Variants in TACC2 observed in about 807,000 individuals in gnomAD.
The protein encoded by TACC2 is transforming acidic coiled-coil-containing protein 2.
A neutral mutation model predicts 227.3 loss-of-function variants in TACC2; 137 were observed. The ratio of observed to expected loss-of-function variants is 0.60; its 90% CI spans 0.52 to 0.69. The LOEUF (loss-of-function observed/expected upper bound fraction) is 0.69. Ranked by LOEUF, TACC2 falls within the 30% of genes least tolerant of loss-of-function variation. The probability of loss-of-function intolerance (pLI) is 0.00; values close to 1 mark genes in which losing one functional copy is unlikely to be tolerated. For missense variants in TACC2, 3,470 were observed against 3,694.4 expected, an observed-to-expected ratio of 0.94 and a Z score of 1.57; for synonymous variants, 1,523 against 1,487.5, an observed-to-expected ratio of 1.02 and a Z score of -0.55.
At chr10:122,107,375 G>C (rs1218075095) in intron 5 of TACC2, among the ~76,000 whole-genome samples, 1 of 152,088 alleles carries the variant, frequency 6.6e-6, no homozygotes, top group Non-Finnish European at 1.5e-5. Flanking sequence ...GATCACTTGA[G>C]GTCAGGAGTT....
Position 122,005,382 on chromosome 10 carries a change from C to CT in TACC2, c.-46+15910dup, listed in dbSNP as rs1250192833. The stretch of plus-strand genomic sequence containing the variant: ...TACAGGTGTGAGCCACCACGCCCAG[C>CT]TTTTTTTTTTTTTTTTGAGACAGAG... On this transcript the variant is annotated intron_variant, in intron 1 of 22. Coordinates refer to ENST00000369005, the MANE Select transcript of TACC2 (RefSeq NM_206862.4). 4.0e-3 allele frequency among the ~76,000 whole-genome samples: 474 copies of CT among 119,140 alleles called. 19 individuals are homozygous for CT. Among genetic ancestry groups the CT allele is most frequent in the Middle Eastern group, 0.013 (2 of 150 alleles). The allele number at this position is 119,140 out of a possible 152,430, so 78.2% of individuals were successfully genotyped here. A position where few individuals can be genotyped will look rare whatever the true frequency, so the allele number is the denominator to read the frequency against.
At position 122,195,123 on chromosome 10, in the gene TACC2, C is replaced by T. The variant is rs58106543; in HGVS notation, c.5918C>T (p.Pro1973Leu). The change falls in exon 8 of 23, where the codon CCC becomes CTC. Residue 1973 changes from proline to leucine, a missense_variant. Pro to Leu is a moderately conservative substitution (Grantham distance 98). Around this residue, in one of 10 missense-constraint regions of TACC2, gnomAD observed 593 missense variants for 636.6 expected, o/e 0.93. Transcript: ENST00000369005. ...KAPPAPPPPP[P>L]EVIPEPEVST... is the part of the protein sequence containing the mutation. ...CCGCCAGCTCCACCCCCACCACCCC[C>T]CGAAGTCATCCCAGAACCCGAGGTC... 6 of 1,613,424 alleles carry T rather than the reference C, an allele frequency of 3.7e-6. No individual in the cohort carries two copies. The highest frequency in any genetic ancestry group is 5.1e-6 in the Non-Finnish European group (6 of 1,179,704).
intron 6 of TACC2, among the ~76,000 whole-genome samples, chr10:122,136,640 C>A (rs2089722587): frequency 6.6e-6 from 1 of 151,622 alleles, no homozygotes; most frequent in African/African-American, 2.4e-5. Context: ...GCAAACTCGG[C>A]CCCCTGGGGC....
intron 1 of TACC2, among the ~76,000 whole-genome samples, chr10:122,017,991 G>A (rs1218832906): frequency 3.1e-5 from 4 of 127,962 alleles, no homozygotes; most frequent in East Asian, 4.4e-4. Context: ...GACCTCATTC[G>A]TTTTATTTAT....
intron 2 of TACC2, among the ~76,000 whole-genome samples, chr10:122,043,110 A>C (rs905232763): frequency 1.3e-5 from 2 of 152,130 alleles, no homozygotes; most frequent in Non-Finnish European, 2.9e-5. Flanking sequence ...AACTGATCTG[A>C]CCAAGGGCAC....
chr10:122,065,796 T>C (rs2077309881), intron 3 of TACC2, among the ~76,000 whole-genome samples: 1 of 152,230 alleles, frequency 6.6e-6, no homozygotes, highest in Non-Finnish European at 1.5e-5. Flanking sequence ...TGTTATTTGA[T>C]AAAAATTTTT....
intron 6 of TACC2, among the ~76,000 whole-genome samples, chr10:122,139,504 C>G (rs2090220969): frequency 6.6e-6 from 1 of 152,328 alleles, no homozygotes; most frequent in East Asian, 1.9e-4. Flanking sequence ...CCTGTTCTAT[C>G]TCCCATTGCT....
intron 9 of TACC2, chr10:122,213,503 G>A: frequency 3.3e-6 from 3 of 918,480 alleles, no homozygotes; most frequent in Non-Finnish European, 5.3e-6. Flanking sequence ...TGGTGGGCCT[G>A]CGAATGATGG....
intron 2 of TACC2, among the ~76,000 whole-genome samples, chr10:122,040,155 G>A (rs1436218439): frequency 6.6e-6 from 1 of 152,138 alleles, no homozygotes; most frequent in Admixed American, 6.5e-5. Context: ...CCTGATGGTT[G>A]GAAATGAAGA....
chr10:122,011,788 C>A (rs12571870), intron 1 of TACC2, among the ~76,000 whole-genome samples: 69,508 of 152,010 alleles, frequency 0.46, 16,056 homozygotes, highest in South Asian at 0.62. Flanking sequence ...AGTGAACTCA[C>A]TTTACTATTC....
rs1430685678 is a variant in TACC2, at chr10:122,086,833, C to T, written c.4333C>T (p.Pro1445Ser). Reference protein sequence around the residue: ...RSAVGKDLTRPLGPEKLLDGP... With the variant: ...RSAVGKDLTRSLGPEKLLDGP... Reference sequence around the variant, plus strand: ...TGCAGTGGGTAAAGACCTCACCAGGCCATTGGGCCCAGAGAAGCTTCTAGA... The same window carrying T: ...TGCAGTGGGTAAAGACCTCACCAGGTCATTGGGCCCAGAGAAGCTTCTAGA... Residue 1445 changes from proline to serine, a missense_variant, in exon 4 of 23, where the codon CCA (proline) becomes TCA (serine). By Grantham distance (74) the Pro-to-Ser change is moderately conservative (BLOSUM62 -1). Transcript: ENST00000369005. 6 of 1,613,952 alleles carry T rather than the reference C, an allele frequency of 3.7e-6. No homozygotes were observed. Among genetic ancestry groups the T allele is most frequent in the Non-Finnish European group, 5.1e-6 (6 of 1,179,974 alleles).
intron 13 of TACC2, among the ~76,000 whole-genome samples, chr10:122,226,963 TG>T (rs766952578): frequency 2.0e-5 from 3 of 152,216 alleles, no homozygotes; most frequent in Non-Finnish European, 4.4e-5. Context: ...CTCCTGGTTG[TG>T]TGACCTGAAG....
At chr10:122,022,952 A>G (rs1957500611) in intron 2 of TACC2, 1 of 152,228 alleles carries the variant, frequency 6.6e-6, no homozygotes, top group South Asian at 2.1e-4. Context: ...ACAAACTGGA[A>G]AATTTGGATT....
At chr10:122,087,986 G>C (rs2080273697) in intron 4 of TACC2, 27 bp downstream of exon 4, 1 of 1,493,140 alleles carries the variant, frequency 6.7e-7, no homozygotes, top group Non-Finnish European at 8.9e-7. Flanking sequence ...ATTCCCACGG[G>C]AATGTGTGGT....
intron 1 of TACC2, among the ~76,000 whole-genome samples, chr10:122,016,186 C>T (rs7071066): frequency 0.45 from 67,009 of 147,930 alleles, 15,319 homozygotes; most frequent in South Asian, 0.6. Flanking sequence ...CGCTTGAGCC[C>T]GGAAGATCAA....
chr10:122,176,355 A>G (rs1441285966), intron 7 of TACC2, among the ~76,000 whole-genome samples: 7 of 152,050 alleles, frequency 4.6e-5, no homozygotes, highest in Admixed American at 6.6e-5. Flanking sequence ...GGAAATTGGC[A>G]TTCCTGAAAT....
chr10:122,254,192 T>G lies in TACC2; in HGVS notation c.*136T>G, dbSNP rs766216318. Reference sequence around the variant, plus strand: ...ACTGTATTTCCTTTCTAAATAAAATTGATTTGATTGTATGCAGTACTAAGG... The same window carrying G: ...ACTGTATTTCCTTTCTAAATAAAATGGATTTGATTGTATGCAGTACTAAGG... On this transcript the variant is annotated 3_prime_UTR_variant, in exon 23 of 23. Transcript: ENST00000369005. The G allele has an allele frequency of 2.6e-6, 2 of 775,944 alleles. No homozygotes were observed. The highest frequency in any genetic ancestry group is 4.6e-6 in the Non-Finnish European group (2 of 434,100). 48.1% of individuals were successfully genotyped at this position (775,944 alleles called of 1,614,324 possible).
At chr10:122,102,959 T>C (rs1178910527) in intron 5 of TACC2, among the ~76,000 whole-genome samples, 1 of 152,166 alleles carries the variant, frequency 6.6e-6, no homozygotes, top group Non-Finnish European at 1.5e-5. Flanking sequence ...CTTCTACAAA[T>C]ATGCCTCCTC....
intron 6 of TACC2, among the ~76,000 whole-genome samples, chr10:122,135,837 A>G (rs1230613841): frequency 1.3e-5 from 2 of 152,236 alleles, no homozygotes; most frequent in African/African-American, 4.8e-5. Context: ...TGGCTCTGGC[A>G]CTGCAAACAA....
Sources: allele counts gnomAD v4.1 joint callset (sites outside exome capture counted in the v4.1 genomes callset), GRCh38; gene constraint gnomAD v4.1.1; regional missense constraint gnomAD v4.1.1; transcripts MANE v1.5; gene names NCBI Gene and HGNC (gene_info 2026-07-23, HGNC 2026-07-21).